CES5A: variants seen among roughly 807,000 people sequenced by gnomAD.
CES5A encodes the protein carboxylesterase 5.
Under a neutral mutation model 62.9 loss-of-function variants are expected in CES5A, and 67 were observed. The ratio of observed to expected loss-of-function variants is 1.07; its 90% CI spans 0.88 to 1.31. The LOEUF is 1.31. Ranked by LOEUF, CES5A falls within the 50% of genes most tolerant of loss-of-function variation. The pLI is 0.00. For missense variants in CES5A, 748 were observed against 708.5 expected, an observed-to-expected ratio of 1.06 and a Z score of -0.63; for synonymous variants, 296 against 280.8, an observed-to-expected ratio of 1.05 and a Z score of -0.54.
intron 1 of CES5A, among the ~76,000 whole-genome samples, chr16:55,891,380 A>G (rs2033876257): frequency 6.6e-6 from 1 of 152,248 alleles, no homozygotes; most frequent in Admixed American, 6.5e-5. Context: ...TTTCTTTTGC[A>G]GCACCAAAAC....
chr16:55,944,156 A>G (rs1316159594), intron 2 of CES5A: 3 of 701,200 alleles, frequency 4.3e-6, no homozygotes, highest in African/African-American at 3.5e-5. Context: ...ATGGGCTAAG[A>G]AATTGTATTG....
chr16:55,861,252 G>C (rs752794030), intron 7 of CES5A, among the ~76,000 whole-genome samples, 160 bp downstream of exon 7: 6 of 152,092 alleles, frequency 3.9e-5, no homozygotes, highest in Non-Finnish European at 8.8e-5. Flanking sequence ...TACCTACAAG[G>C]GTTCTATATC....
intron 2 of CES5A, among the ~76,000 whole-genome samples, chr16:55,937,768 T>G (rs2034392012): frequency 6.6e-6 from 1 of 152,176 alleles, no homozygotes; most frequent in African/African-American, 2.4e-5. Context: ...ATGTTAATTA[T>G]CAGCCTGACC....
chr16:55,893,061 C>G (rs1199516655), intron 1 of CES5A, among the ~76,000 whole-genome samples: 3 of 152,154 alleles, frequency 2.0e-5, no homozygotes, highest in Non-Finnish European at 2.9e-5. Context: ...CCTGCCAATT[C>G]TCTTCCACAG....
At chr16:55,868,699 G>C (rs538941092) in intron 4 of CES5A, among the ~76,000 whole-genome samples, 1 of 152,108 alleles carries the variant, frequency 6.6e-6, no homozygotes, top group South Asian at 2.1e-4. Context: ...ACAGTGACCC[G>C]CAAGCATAAT....
intron 2 of CES5A, among the ~76,000 whole-genome samples, chr16:55,931,627 C>G (rs1264895521): frequency 6.6e-6 from 1 of 152,218 alleles, no homozygotes; most frequent in Non-Finnish European, 1.5e-5. Context: ...TTCTAAAAGG[C>G]CCTTCTCTTA....
intron 2 of CES5A, 128 bp from the exon 3 acceptor site, chr16:55,871,891 T>C: frequency 1.1e-6 from 1 of 916,376 alleles, no homozygotes; most frequent in Non-Finnish European, 1.6e-6. Flanking sequence ...CAGCTACCGG[T>C]ACAAAGTCCA....
At position 55,846,600 on chromosome 16, in the gene CES5A, G is replaced by A; in HGVS notation, c.1579C>T (p.Leu527Phe). The A allele has an allele frequency of 1.9e-6, 3 of 1,614,150 alleles. No homozygotes were observed. The highest frequency in any genetic ancestry group is 2.5e-6 in the Non-Finnish European group (3 of 1,180,026). The stretch of plus-strand genomic sequence containing the variant: ...CGCGGTTCTTTGAGTCTCTGTCCGA[G>A]GCTCATGTTCAAGTCCAGCTGGAGG... ...QYLQLDLNMS[L>F]GQRLKEPRVD... is the part of the protein sequence containing the mutation. The change falls in exon 13 of 13, where the codon CTC (leucine) becomes TTC (phenylalanine). Residue 527 changes from leucine (L) to phenylalanine (F), a missense_variant. Coordinates refer to ENST00000290567, the MANE Select transcript of CES5A (RefSeq NM_001143685.2).
intron 1 of CES5A, among the ~76,000 whole-genome samples, chr16:55,955,034 C>T (rs1230155911): frequency 6.6e-6 from 1 of 152,148 alleles, no homozygotes; most frequent in East Asian, 1.9e-4. Flanking sequence ...AACTCTAAAG[C>T]TCTGATGCAT....
chr16:55,913,878 A>G (rs1225604929), intron 1 of CES5A, among the ~76,000 whole-genome samples: 26 of 152,172 alleles, frequency 1.7e-4, no homozygotes, highest in Admixed American at 1.7e-3. Flanking sequence ...ACAGCAGGAA[A>G]CAAATCCACA....
chr16:55,854,542 TTC>T (rs199720886), intron 9 of CES5A, among the ~76,000 whole-genome samples: 2 of 40,662 alleles, frequency 4.9e-5, no homozygotes, highest in East Asian at 3.6e-3. Context: ...TTTTTTTTTT[TTC>T]TTTTTTTTTT....
At chr16:55,946,660 A>G (rs1465305966) in intron 2 of CES5A, among the ~76,000 whole-genome samples, 1 of 152,212 alleles carries the variant, frequency 6.6e-6, no homozygotes, top group Non-Finnish European at 1.5e-5. Context: ...AGATTGGTGT[A>G]TCAGTCAGCT....
intron 2 of CES5A, among the ~76,000 whole-genome samples, chr16:55,942,238 A>T (rs556825326): frequency 5.3e-5 from 8 of 152,278 alleles, no homozygotes; most frequent in African/African-American, 1.9e-4. Flanking sequence ...CTTAAATTTT[A>T]AAATCCCTAC....
At chr16:55,895,371 C>A (rs531442417) in intron 1 of CES5A, among the ~76,000 whole-genome samples, 1 of 152,204 alleles carries the variant, frequency 6.6e-6, no homozygotes, top group African/African-American at 2.4e-5. Context: ...AGCAAATCCA[C>A]GGGGGGCAGT....
intron 1 of CES5A, among the ~76,000 whole-genome samples, chr16:55,920,170 A>T (rs1334188363): frequency 6.6e-6 from 1 of 152,194 alleles, no homozygotes; most frequent in East Asian, 1.9e-4. Context: ...GCAGTAAAAG[A>T]ACTGGACTCT....
chr16:55,860,143 C>A (rs1215660988), intron 7 of CES5A, among the ~76,000 whole-genome samples: 24 of 151,536 alleles, frequency 1.6e-4, no homozygotes, highest in Non-Finnish European at 1.5e-5. Context: ...AGGGGAGCTC[C>A]CCTGAACAAG....
At chr16:55,894,836 C>A (rs1412863544) in intron 1 of CES5A, among the ~76,000 whole-genome samples, 1 of 152,142 alleles carries the variant, frequency 6.6e-6, no homozygotes, top group Non-Finnish European at 1.5e-5. Flanking sequence ...TTAGCTACTG[C>A]CTCCTGGGAC....
intron 1 of CES5A, among the ~76,000 whole-genome samples, chr16:55,913,137 TG>T (rs2034111358): frequency 6.6e-6 from 1 of 152,194 alleles, no homozygotes; most frequent in East Asian, 1.9e-4. Context: ...TCAGATAATT[TG>T]GCAGGTAGAA....
chr16:55,897,585 C>T (rs192877184), intron 1 of CES5A, among the ~76,000 whole-genome samples: 7 of 152,138 alleles, frequency 4.6e-5, no homozygotes, highest in Admixed American at 2.6e-4. Context: ...CCCCAGAATA[C>T]CCAAATTTTC....
Sources: gnomAD v4.1 joint callset for allele counts (sites outside exome capture counted in the v4.1 genomes callset) on GRCh38, gnomAD v4.1.1 for gene constraint, MANE v1.5 for transcripts, NCBI Gene and HGNC (gene_info 2026-07-23, HGNC 2026-07-21) for gene names.